The following GREB1L variants were observed in gnomAD, a reference collection of about 807,000 sequenced individuals.
The protein encoded by GREB1L is GREB1-like protein.
Under a neutral mutation model 200.8 loss-of-function variants are expected in GREB1L, and 17 were observed. The observed-to-expected ratio is 0.08, with a 90% CI of 0.06 to 0.13. The LOEUF (loss-of-function observed/expected upper bound fraction) is 0.13, where lower values mean the gene tolerates loss of function less well. Among genes scored for constraint, GREB1L ranks in the 10% least tolerant of loss-of-function variants. The probability of loss-of-function intolerance (pLI) is 1.00; values close to 1 mark genes in which losing one functional copy is unlikely to be tolerated. For missense variants in GREB1L, 1,657 were observed against 2,367.7 expected (o/e 0.70, Z 6.23); for synonymous variants, 789 against 893.0 (o/e 0.88, Z 2.08).
chr18:21,411,486 G>A (rs1165546861), intron 7 of GREB1L, among the ~76,000 whole-genome samples: 5 of 151,784 alleles, frequency 3.3e-5, no homozygotes, highest in African/African-American at 9.7e-5. Flanking sequence ...GATTACAGGC[G>A]TGAGCCACGG....
chr18:21,327,957 G>A (rs1482574462), intron 1 of GREB1L, among the ~76,000 whole-genome samples: 8 of 151,862 alleles, frequency 5.3e-5, no homozygotes, highest in Non-Finnish European at 1.0e-4. Flanking sequence ...CTCGTGATCC[G>A]CCCGCCTCAG....
At chr18:21,245,807 T>C (rs1156893213) in intron 1 of GREB1L, among the ~76,000 whole-genome samples, 1 of 152,182 alleles carries the variant, frequency 6.6e-6, no homozygotes, top group Non-Finnish European at 1.5e-5. Flanking sequence ...AAGCTCCGCC[T>C]TCCGGGTTCA....
At chr18:21,474,477 G>A (rs1412801316) in intron 16 of GREB1L, among the ~76,000 whole-genome samples, 1 of 152,140 alleles carries the variant, frequency 6.6e-6, no homozygotes, top group African/African-American at 2.4e-5. Flanking sequence ...TTTTGCCTGG[G>A]CATACAGGCA....
rs1315613314 is a variant in GREB1L at position 21,397,349 on chromosome 18, T to TA, written c.532+1796dup. ...CTACTAAAAAAAACCCCGTCTCTAC[T>TA]AAAAAAAACCCCGTCTCTACCAAAA... On this transcript the variant is annotated intron_variant, in intron 5 of 32. Coordinates refer to ENST00000424526, the MANE Select transcript of GREB1L (RefSeq NM_001142966.3). Among the ~76,000 whole-genome samples the TA allele has an allele frequency of 3.5e-3, 526 of 150,624 alleles. 4 individuals are homozygous for TA. The highest frequency in any genetic ancestry group is 3.6e-3 in the African/African-American group (147 of 41,040).
At chr18:21,368,454 A>G (rs2143686537) in intron 2 of GREB1L, among the ~76,000 whole-genome samples, 1 of 152,322 alleles carries the variant, frequency 6.6e-6, no homozygotes, top group Non-Finnish European at 1.5e-5. Flanking sequence ...ATCATAAAAG[A>G]ATAGAATGTT....
At chr18:21,442,656 G>A (rs139122117) in intron 10 of GREB1L, among the ~76,000 whole-genome samples, 225 of 152,210 alleles carry the variant, frequency 1.5e-3, no homozygotes, top group Admixed American at 3.9e-3. Context: ...AAAACAATTT[G>A]AGACTGTTTA....
At chr18:21,262,290 G>C (rs1381090043) in intron 1 of GREB1L, among the ~76,000 whole-genome samples, 1 of 151,004 alleles carries the variant, frequency 6.6e-6, no homozygotes, top group Admixed American at 6.6e-5. Flanking sequence ...CTTTTTTTTT[G>C]CTCCTTCTCC....
intron 7 of GREB1L, among the ~76,000 whole-genome samples, chr18:21,434,740 A>C (rs1317708202): frequency 6.6e-6 from 1 of 152,026 alleles, no homozygotes; most frequent in Non-Finnish European, 1.5e-5. Flanking sequence ...AATAGCATGC[A>C]TCACGTGGTA....
intron 27 of GREB1L, among the ~76,000 whole-genome samples, chr18:21,511,852 C>T (rs545333102): frequency 6.6e-6 from 1 of 152,258 alleles, no homozygotes; most frequent in South Asian, 2.1e-4. Flanking sequence ...CTGTGTTGCT[C>T]AGGCTGCTCT....
chr18:21,303,900 G>A (rs528867805), intron 1 of GREB1L, among the ~76,000 whole-genome samples: 6 of 152,104 alleles, frequency 3.9e-5, no homozygotes, highest in Non-Finnish European at 8.8e-5. Context: ...AGTAAACGAG[G>A]GTCAATCAGA....
chr18:21,513,029 T>C (rs1479538410), intron 27 of GREB1L, among the ~76,000 whole-genome samples: 3 of 152,186 alleles, frequency 2.0e-5, no homozygotes, highest in Non-Finnish European at 2.9e-5. Flanking sequence ...ATCACTAACA[T>C]TCACCGAGTA....
chr18:21,460,504 C>G (rs2034998148), intron 15 of GREB1L, among the ~76,000 whole-genome samples: 1 of 152,174 alleles, frequency 6.6e-6, no homozygotes, highest in Non-Finnish European at 1.5e-5. Context: ...CACCACCACA[C>G]CTGGCTAATT....
In GREB1L at chr18:21,325,762, G is replaced by A. The variant is rs529025739; in HGVS notation, c.-119-40265G>A. 1.3e-4 allele frequency among the ~76,000 whole-genome samples: 18 copies of A among 141,926 alleles called. No individual in the cohort carries two copies. In the East Asian group the frequency reaches 3.1e-3, roughly 24 times the overall value. The allele number at this position is 141,926 out of a possible 152,430, so 93.1% of individuals were successfully genotyped here. On this transcript the variant is annotated intron_variant, in intron 1 of 32. Coordinates refer to ENST00000424526, the MANE Select transcript of GREB1L (RefSeq NM_001142966.3). The stretch of plus-strand genomic sequence containing the variant: ...CTAGAGGTTGAGGCTGCAGTGAGCC[G>A]TGAATTATGCCACTGCCCTCCAGCC...
chr18:21,440,583 T>A (rs2033842880), intron 9 of GREB1L, among the ~76,000 whole-genome samples, 195 bp downstream of exon 9: 1 of 152,222 alleles, frequency 6.6e-6, no homozygotes, highest in Non-Finnish European at 1.5e-5. Flanking sequence ...AACCTTTGGC[T>A]TAATTTCAAC....
intron 1 of GREB1L, among the ~76,000 whole-genome samples, chr18:21,286,481 C>CA (rs1598630591): frequency 6.6e-6 from 1 of 152,058 alleles, no homozygotes; most frequent in African/African-American, 2.4e-5. Context: ...ATGAGCCTTT[C>CA]AAAAAATAAG....
At chr18:21,436,111 A>T (rs2033520199) in intron 7 of GREB1L, among the ~76,000 whole-genome samples, 2 of 152,158 alleles carry the variant, frequency 1.3e-5, no homozygotes, top group Admixed American at 1.3e-4. Context: ...TGAGACAGGG[A>T]TACAGAAGGA....
At chr18:21,278,857 C>G (rs2038219678) in intron 1 of GREB1L, among the ~76,000 whole-genome samples, 1 of 152,056 alleles carries the variant, frequency 6.6e-6, no homozygotes, top group Non-Finnish European at 1.5e-5. Context: ...AAGAAAAACT[C>G]AAGACTTTTG....
At chr18:21,351,856 A>ATTTT (rs201585433) in intron 1 of GREB1L, among the ~76,000 whole-genome samples, 5 of 151,408 alleles carry the variant, frequency 3.3e-5, no homozygotes, top group African/African-American at 1.2e-4. Flanking sequence ...TTATTTATTT[A>ATTTT]TTTTTTTCTG....
chr18:21,515,371 T>C, intron 28 of GREB1L, 46 bp from the exon 29 acceptor site: 5 of 1,315,338 alleles, frequency 3.8e-6, no homozygotes, highest in Non-Finnish European at 5.3e-6. Context: ...AATGATCCTC[T>C]CTTCTGTAAT....
Sources: gnomAD v4.1 joint callset for allele counts (sites outside exome capture counted in the v4.1 genomes callset) on GRCh38, gnomAD v4.1.1 for gene constraint, MANE v1.5 for transcripts, NCBI Gene and HGNC (gene_info 2026-07-23, HGNC 2026-07-21) for gene names.